Variants in ELP1 observed in about 807,000 individuals in gnomAD.
ELP1 encodes the protein elongator complex protein 1.
ELP1 carries 131 observed loss-of-function variants against 183.2 expected under a neutral mutation model. The observed-to-expected ratio is 0.72, with a 90% CI of 0.62 to 0.83. The LOEUF (loss-of-function observed/expected upper bound fraction) is 0.83. ELP1 is among the 40% of genes least tolerant of loss of function. The probability of loss-of-function intolerance (pLI) is 0.00; values close to 1 mark genes in which losing one functional copy is unlikely to be tolerated. For synonymous variants in ELP1, 555 were observed against 569.0 expected (o/e 0.98, Z 0.35); for missense variants, 1,550 against 1,594.9 (o/e 0.97, Z 0.48).
chr9:108,869,728 T>C (rs1350288428), intron 36 of ELP1, among the ~76,000 whole-genome samples: 1 of 152,160 alleles, frequency 6.6e-6, no homozygotes, highest in Non-Finnish European at 1.5e-5. Flanking sequence ...CATTGTAACC[T>C]AAAACTCCCA....
In ELP1 at chr9:108,901,677, C is replaced by G. The variant is rs370377909; in HGVS notation, c.1859G>C (p.Cys620Ser). ...TELAMIGEEE[C>S]VLGLTDRCRF... The stretch of plus-strand genomic sequence containing the variant: ...ACACCTGTCAGTCAGACCAAGGACA[C>G]ATTCCTGCAAAGAAATAAAACTGAA... The change falls in exon 17 of 37, where the codon TGT becomes TCT. Residue 620 changes from cysteine (C) to serine (S), a missense_variant. Cys to Ser is a moderately radical substitution (Grantham distance 112). Transcript: ENST00000374647. 2 of 1,613,950 alleles carry G rather than the reference C, an allele frequency of 1.2e-6. No individual in the cohort carries two copies. The highest frequency in any genetic ancestry group is 1.7e-6 in the Non-Finnish European group (2 of 1,179,914).
intron 12 of ELP1, 38 bp from the exon 13 acceptor site, chr9:108,908,442 A>T (rs1341638886): frequency 6.1e-6 from 9 of 1,473,822 alleles, no homozygotes; most frequent in Non-Finnish European, 5.7e-6. Flanking sequence ...ATCGTAAATT[A>T]TAAGATTTCA....
At chr9:108,878,212 C>T (rs934668278) in intron 34 of ELP1, 63 bp from the exon 35 acceptor site, 35 of 1,464,734 alleles carry the variant, frequency 2.4e-5, no homozygotes, top group Non-Finnish European at 3.3e-5. Flanking sequence ...CAGAATCATA[C>T]ATAGCTTCTA....
In ELP1 at chr9:108,878,757, G is replaced by C. The variant is rs370571926; in HGVS notation, c.3573-7C>G. 319 of 1,613,758 alleles carry C rather than the reference G, an allele frequency of 2.0e-4. No homozygotes were observed. The highest frequency in any genetic ancestry group is 2.5e-4 in the Non-Finnish European group (300 of 1,179,982). Reference sequence around the variant, plus strand: ...GCGATTCTTGGATGATCTCCTGTTAGAAATTACACAGATATTTTTAAGCCT... The same window carrying C: ...GCGATTCTTGGATGATCTCCTGTTACAAATTACACAGATATTTTTAAGCCT... On this transcript the variant is annotated splice_region_variant and splice_polypyrimidine_tract_variant and intron_variant, in intron 33 of 36. Transcript: ENST00000374647.
intron 2 of ELP1, among the ~76,000 whole-genome samples, chr9:108,930,519 C>T (rs904711261): frequency 1.3e-5 from 2 of 151,842 alleles, no homozygotes; most frequent in Non-Finnish European, 2.9e-5. Flanking sequence ...TGAAACCGCA[C>T]ATCTACTAAA....
At chr9:108,919,156 A>C (rs111356534) in intron 7 of ELP1, 97 bp downstream of exon 7, 1 of 847,184 alleles carries the variant, frequency 1.2e-6, no homozygotes, top group Non-Finnish European at 2.0e-6. Context: ...CATATGTATA[A>C]TTAATACCCT....
At chr9:108,877,039 G>A (rs1043912763) in intron 35 of ELP1, among the ~76,000 whole-genome samples, 11 of 152,224 alleles carry the variant, frequency 7.2e-5, no homozygotes, top group South Asian at 6.2e-4. Context: ...TGGCCCGACC[G>A]GCTGGCTTTT....
intron 29 of ELP1, among the ~76,000 whole-genome samples, chr9:108,882,537 A>C (rs1171348414): frequency 6.6e-6 from 1 of 151,690 alleles, no homozygotes; most frequent in Non-Finnish European, 1.5e-5. Flanking sequence ...TGTTAACAAG[A>C]CCACCCTTTG....
chr9:108,890,187 G>C (rs905955962), intron 28 of ELP1, among the ~76,000 whole-genome samples: 2 of 152,156 alleles, frequency 1.3e-5, no homozygotes, highest in African/African-American at 4.8e-5. Flanking sequence ...AGGAACAATG[G>C]AGACCGAACG....
chr9:108,923,065 A>G (rs537892310), intron 5 of ELP1, 138 bp from the exon 6 acceptor site: 3 of 742,728 alleles, frequency 4.0e-6, no homozygotes, highest in African/African-American at 3.4e-5. Flanking sequence ...CCAGCAGTCA[A>G]TATTTGAGAA....
chr9:108,883,366 T>C (rs1828002582), intron 29 of ELP1, among the ~76,000 whole-genome samples: 1 of 152,164 alleles, frequency 6.6e-6, no homozygotes, highest in Non-Finnish European at 1.5e-5. Flanking sequence ...AAGGTCTTTC[T>C]ATGTTACCCA....
At chr9:108,881,518 T>C (rs967105304) in intron 31 of ELP1, among the ~76,000 whole-genome samples, 187 bp downstream of exon 31, 7 of 152,202 alleles carry the variant, frequency 4.6e-5, no homozygotes, top group African/African-American at 1.7e-4. Context: ...AAATATTTTG[T>C]TACCATTTAA....
At position 108,875,191 on chromosome 9, in the gene ELP1, G is replaced by T. The variant is rs4978753; in HGVS notation, c.3856-221C>A. Among the ~76,000 whole-genome samples, 33,124 of 152,110 alleles carry T rather than the reference G, an allele frequency of 0.22. 4,015 individuals carry two copies. The highest frequency in any genetic ancestry group is 0.32 in the African/African-American group (13,227 of 41,480). On this transcript the variant is annotated intron_variant, in intron 35 of 36. Coordinates refer to ENST00000374647, the MANE Select transcript of ELP1 (RefSeq NM_003640.5). ...TTTCTCCCAGAACAAGGTAAAGATG[G>T]GGGGTGGAGGAAAAGAAAAGAAACG...
Position 108,901,422 on chromosome 9 carries a change from T to C in ELP1, c.2014+3A>G, listed in dbSNP as rs1404329864. The C allele has an allele frequency of 1.3e-6, 2 of 1,595,804 alleles. No homozygotes were observed. Among genetic ancestry groups the C allele is most frequent in the Non-Finnish European group, 8.6e-7 (1 of 1,163,472 alleles). ...ATTTCTGTTTTATACATTGAAAACT[T>C]ACTTTTAAATGAAGCATCCCTCAGG... On this transcript the variant is annotated splice_donor_region_variant and intron_variant, in intron 18 of 36. Coordinates refer to ENST00000374647, the MANE Select transcript of ELP1 (RefSeq NM_003640.5).
At chr9:108,871,610 T>C (rs758805457) in intron 36 of ELP1, among the ~76,000 whole-genome samples, 26 of 152,214 alleles carry the variant, frequency 1.7e-4, no homozygotes, top group Non-Finnish European at 3.5e-4. Flanking sequence ...TGCTGCCTCC[T>C]GGATGGCAGG....
chr9:108,920,304 C>T (rs995794364), intron 6 of ELP1, among the ~76,000 whole-genome samples: 7 of 136,298 alleles, frequency 5.1e-5, no homozygotes, highest in African/African-American at 1.6e-4. Context: ...TTTTTTGAGA[C>T]GGAGTCTTGC....
In ELP1 at chr9:108,918,682, C is replaced by G. The variant is rs1470367296; in HGVS notation, c.740+129G>C. ...AAGAAGAAACAAAGATAGATACAGC[C>G]TTATAACCAAATGAAGAAACGTAAA... On this transcript the variant is annotated intron_variant, in intron 8 of 36. Transcript: ENST00000374647. 3.9e-6 allele frequency: 3 copies of G among 763,274 alleles called. No individual in the cohort carries two copies. In the African/African-American group the frequency reaches 5.1e-5, roughly 13 times the overall value. 47.3% of individuals were successfully genotyped at this position (763,274 alleles called of 1,614,324 possible). A position where few individuals can be genotyped will look rare whatever the true frequency, so the allele number is the denominator to read the frequency against.
chr9:108,869,819 T>C (rs1368903885), intron 36 of ELP1, among the ~76,000 whole-genome samples: 1 of 152,210 alleles, frequency 6.6e-6, no homozygotes, highest in Non-Finnish European at 1.5e-5. Context: ...AGAAAATATG[T>C]ATATATAAGG....
intron 9 of ELP1, 126 bp downstream of exon 9, chr9:108,917,421 T>C (rs1169921215): frequency 5.6e-6 from 5 of 895,468 alleles, no homozygotes; most frequent in Non-Finnish European, 7.0e-6. Flanking sequence ...GAACCGAGAT[T>C]GCACTATCGC....
Sources: allele counts gnomAD v4.1 joint callset (sites outside exome capture counted in the v4.1 genomes callset), GRCh38; gene constraint gnomAD v4.1.1; transcripts MANE v1.5; gene names NCBI Gene and HGNC (gene_info 2026-07-23, HGNC 2026-07-21).